The following TENM3 variants were observed in gnomAD, a reference collection of about 807,000 sequenced individuals.
The protein encoded by TENM3 is teneurin transmembrane protein 3.
Under a neutral mutation model 255.1 loss-of-function variants are expected in TENM3, and 63 were observed. That is an observed-to-expected ratio of 0.25 (90% confidence interval 0.20 to 0.30). The LOEUF is 0.30. Among genes scored for constraint, TENM3 ranks in the 10% least tolerant of loss-of-function variants. TENM3 has a pLI of 1.00. For missense variants in TENM3, 2,929 were observed against 3,461.1 expected (o/e 0.85, Z 3.86); for synonymous variants, 1,306 against 1,322.3 (o/e 0.99, Z 0.27).
At chr4:181,540,727 T>A in the TENM3 span, among the ~76,000 whole-genome samples, 1 of 152,036 alleles carries the variant, frequency 6.6e-6, no homozygotes, top group African/African-American at 2.4e-5. Flanking sequence ...TCCTCAAACC[T>A]GCCAAGGTCA....
chr4:182,214,049 G>A (rs1020851153), intron 1 of TENM3, among the ~76,000 whole-genome samples: 4 of 152,106 alleles, frequency 2.6e-5, no homozygotes, highest in Admixed American at 6.6e-5. Context: ...TGATCCCCCC[G>A]CTGCGGCCTC....
At chr4:182,100,794 TACAC>T in the TENM3 span, among the ~76,000 whole-genome samples, 432 of 6,298 alleles carry the variant, frequency 0.069, 80 homozygotes, top group South Asian at 0.15. Context: ...CACATATATA[TACAC>T]ATATATATAC....
the TENM3 span, among the ~76,000 whole-genome samples, chr4:181,681,738 A>G: frequency 7.1e-6 from 1 of 141,524 alleles, no homozygotes; most frequent in Non-Finnish European, 1.5e-5. Flanking sequence ...GGTTTTAGGT[A>G]GACTCAGCTA....
At chr4:181,996,158 T>A in the TENM3 span, among the ~76,000 whole-genome samples, 2 of 81,604 alleles carry the variant, frequency 2.5e-5, no homozygotes, top group Non-Finnish European at 2.6e-5. Flanking sequence ...GTCGCTACGG[T>A]TAAAAAAAAA....
the TENM3 span, among the ~76,000 whole-genome samples, chr4:181,682,893 T>C: frequency 1.3e-5 from 2 of 151,968 alleles, no homozygotes; most frequent in African/African-American, 4.8e-5. Flanking sequence ...GCCAGACTCC[T>C]GAGATCTCAG....
chr4:182,423,602 A>G (rs1160290135), intron 3 of TENM3, among the ~76,000 whole-genome samples: 1 of 152,184 alleles, frequency 6.6e-6, no homozygotes, highest in African/African-American at 2.4e-5. Flanking sequence ...CCACTGTAAA[A>G]TACTCTTTTT....
At chr4:182,408,134 C>G (rs919529939) in intron 3 of TENM3, among the ~76,000 whole-genome samples, 1 of 152,158 alleles carries the variant, frequency 6.6e-6, no homozygotes, top group African/African-American at 2.4e-5. Flanking sequence ...TCTAACACCC[C>G]AGTGTGCAGT....
At chr4:181,557,861 T>A in the TENM3 span, among the ~76,000 whole-genome samples, 4 of 152,178 alleles carry the variant, frequency 2.6e-5, no homozygotes, top group Non-Finnish European at 5.9e-5. Context: ...AGTTAAAATT[T>A]AGAAAATAAA....
In TENM3 at chr4:182,799,624, C is replaced by A; in HGVS notation, c.7373C>A (p.Ala2458Glu). The change falls in exon 28 of 28, where the codon GCG becomes GAG. Residue 2458 changes from alanine to glutamate, a missense_variant. Ala to Glu is a moderately radical substitution (Grantham distance 107). Coordinates refer to ENST00000511685, the MANE Select transcript of TENM3 (RefSeq NM_001080477.4). The surrounding 1 kb of genome is among the most constrained non-coding windows in gnomAD (Gnocchi z 4.2). ...PPIFGVQQQVARQAKAFLSLG... is the reference protein window; with the variant it reads ...PPIFGVQQQVERQAKAFLSLG... ...ATCTTCGGAGTCCAGCAGCAAGTGG[C>A]GCGGCAGGCCAAGGCCTTCCTGTCG... 1 of 1,543,744 alleles carries A rather than the reference C, an allele frequency of 6.5e-7. No individual in the cohort carries two copies. Among genetic ancestry groups the A allele is most frequent in the Non-Finnish European group, 8.7e-7 (1 of 1,146,548 alleles).
intron 13 of TENM3, 71 bp downstream of exon 13, chr4:182,714,304 A>T: frequency 6.2e-6 from 3 of 483,168 alleles, no homozygotes; most frequent in Non-Finnish European, 9.0e-6. Flanking sequence ...GAGTACATAG[A>T]TATCTGTTGC....
chr4:181,643,455 C>T, the TENM3 span, among the ~76,000 whole-genome samples: 1 of 152,202 alleles, frequency 6.6e-6, no homozygotes, highest in Non-Finnish European at 1.5e-5. Context: ...ATTTGACTTC[C>T]TCTTTTCCTA....
At chr4:182,449,567 A>T (rs1773280466) in intron 3 of TENM3, among the ~76,000 whole-genome samples, 1 of 152,112 alleles carries the variant, frequency 6.6e-6, no homozygotes, top group African/African-American at 2.4e-5. Context: ...AGCTAGTCTT[A>T]GCAGTAGTGA....
At chr4:182,558,917 GA>G (rs1259292281) in intron 3 of TENM3, among the ~76,000 whole-genome samples, 2 of 151,976 alleles carry the variant, frequency 1.3e-5, no homozygotes, top group African/African-American at 4.8e-5. Flanking sequence ...TGATGTAAAA[GA>G]ATAATCCAAA....
At chr4:182,286,717 A>G (rs11943823) in intron 1 of TENM3, among the ~76,000 whole-genome samples, 2,780 of 152,114 alleles carry the variant, frequency 0.018, 81 homozygotes, top group African/African-American at 0.06. Context: ...GGTAATACGA[A>G]AAAACCCCAC....
the TENM3 span, among the ~76,000 whole-genome samples, chr4:182,032,605 T>A: frequency 2.0e-5 from 3 of 152,206 alleles, no homozygotes; most frequent in Non-Finnish European, 4.4e-5. Flanking sequence ...TTCAATTGTT[T>A]GGAATAGTTT....
At chr4:182,353,928 G>T (rs568169918) in intron 3 of TENM3, among the ~76,000 whole-genome samples, 4 of 150,640 alleles carry the variant, frequency 2.7e-5, no homozygotes, top group Non-Finnish European at 5.9e-5. Flanking sequence ...TCGTGCCACT[G>T]CACTCCAGCC....
At chr4:182,081,598 AAAAAAAAG>A in the TENM3 span, among the ~76,000 whole-genome samples, 1 of 151,362 alleles carries the variant, frequency 6.6e-6, no homozygotes, top group Non-Finnish European at 1.5e-5. Flanking sequence ...AAAAAAAAAA[AAAAAAAAG>A]AAGAAGAAGA....
At chr4:181,656,163 A>G in the TENM3 span, among the ~76,000 whole-genome samples, 3 of 152,176 alleles carry the variant, frequency 2.0e-5, no homozygotes, top group Middle Eastern at 3.4e-3. Context: ...TTCTTCTGTC[A>G]CCCCATTAAT....
intron 1 of TENM3, among the ~76,000 whole-genome samples, chr4:182,204,003 C>T (rs1754377429): frequency 1.3e-5 from 2 of 152,156 alleles, no homozygotes; most frequent in South Asian, 4.1e-4. Flanking sequence ...AAGCTGTCAC[C>T]ATCAAGGGTA....
Sources: gnomAD v4.1 joint callset for allele counts (sites outside exome capture counted in the v4.1 genomes callset) on GRCh38, gnomAD v4.1.1 for gene constraint, Gnocchi (gnomAD v3.1) non-coding constraint, MANE v1.5 for transcripts, NCBI Gene and HGNC (gene_info 2026-07-23, HGNC 2026-07-21) for gene names.